The following SPATA17 variants were observed in gnomAD, a reference collection of about 807,000 sequenced individuals.
SPATA17 encodes the protein spermatogenesis associated 17.
SPATA17 carries 53 observed loss-of-function variants against 62.2 expected under a neutral mutation model. The observed-to-expected ratio is 0.85, with a 90% CI of 0.68 to 1.07. SPATA17 has a LOEUF of 1.07. Among genes scored for constraint, SPATA17 ranks in the 50% least tolerant of loss-of-function variants. The pLI, the probability that SPATA17 is intolerant of heterozygous loss-of-function variation, is 0.00. For missense variants in SPATA17, 466 were observed against 425.5 expected (o/e 1.10, Z -0.84); for synonymous variants, 146 against 146.8 (o/e 0.99, Z 0.04).
intron 9 of SPATA17, among the ~76,000 whole-genome samples, chr1:217,804,203 A>G (rs1674379313): frequency 6.6e-6 from 1 of 152,212 alleles, no homozygotes; most frequent in Non-Finnish European, 1.5e-5. Flanking sequence ...CATAAAAAAT[A>G]GACACATCAA....
At chr1:217,828,306 C>A (rs1298279797) in intron 9 of SPATA17, among the ~76,000 whole-genome samples, 1 of 151,634 alleles carries the variant, frequency 6.6e-6, no homozygotes, top group Non-Finnish European at 1.5e-5. Context: ...TTGACAAGGG[C>A]ACCAAGAGGA....
intron 1 of SPATA17, among the ~76,000 whole-genome samples, chr1:217,637,368 A>C (rs1473045019): frequency 3.9e-5 from 6 of 152,128 alleles, no homozygotes; most frequent in Non-Finnish European, 5.9e-5. Context: ...GGATCTTTAA[A>C]TTATTAAGTT....
intron 4 of SPATA17, among the ~76,000 whole-genome samples, chr1:217,682,024 T>C (rs1461607894): frequency 6.6e-6 from 1 of 152,118 alleles, no homozygotes; most frequent in African/African-American, 2.4e-5. Context: ...AGGGAATGAT[T>C]TATGATACGT....
At chr1:217,828,538 C>T (rs1464284137) in intron 9 of SPATA17, among the ~76,000 whole-genome samples, 1 of 46,358 alleles carries the variant, frequency 2.2e-5, no homozygotes, top group African/African-American at 6.2e-5. Context: ...GAATATCACA[C>T]CAAAAAAAAA....
intron 6 of SPATA17, among the ~76,000 whole-genome samples, chr1:217,758,282 G>C (rs1478324968): frequency 6.6e-6 from 1 of 152,106 alleles, no homozygotes; most frequent in Non-Finnish European, 1.5e-5. Flanking sequence ...AGTATTTGAT[G>C]GTCTAGAACA....
intron 5 of SPATA17, among the ~76,000 whole-genome samples, chr1:217,703,324 A>G (rs1247242882): frequency 1.3e-5 from 2 of 151,284 alleles, no homozygotes; most frequent in Admixed American, 6.6e-5. Context: ...GGCACCCACC[A>G]CCATGCCCGG....
chr1:217,740,774 T>C (rs12120516), intron 5 of SPATA17, among the ~76,000 whole-genome samples: 69,826 of 152,058 alleles, frequency 0.46, 17,542 homozygotes, highest in Non-Finnish European at 0.58. Flanking sequence ...CAGGCTATTT[T>C]CTGACTCCTT....
chr1:217,637,185 A>C (rs1191102812), intron 1 of SPATA17, among the ~76,000 whole-genome samples: 1 of 152,166 alleles, frequency 6.6e-6, no homozygotes, highest in African/African-American at 2.4e-5. Flanking sequence ...GCTTTCACAA[A>C]CATTATTTTA....
At chr1:217,773,055 C>T (rs568189751) in intron 6 of SPATA17, among the ~76,000 whole-genome samples, 3 of 152,028 alleles carry the variant, frequency 2.0e-5, no homozygotes, top group African/African-American at 4.8e-5. Context: ...TGGGATAGGA[C>T]GTTGCATTTG....
intron 5 of SPATA17, among the ~76,000 whole-genome samples, chr1:217,724,388 G>T (rs888326081): frequency 3.9e-5 from 6 of 152,092 alleles, no homozygotes; most frequent in Admixed American, 2.0e-4. Context: ...AGGAGTTGGA[G>T]ACCAGCTTGG....
chr1:217,766,435 C>T (rs746358907), intron 6 of SPATA17, among the ~76,000 whole-genome samples: 52 of 151,978 alleles, frequency 3.4e-4, no homozygotes, highest in South Asian at 1.7e-3. Flanking sequence ...TAACACTATA[C>T]CACTTCATAG....
intron 5 of SPATA17, among the ~76,000 whole-genome samples, chr1:217,730,287 G>A (rs1471454925): frequency 4.0e-5 from 6 of 150,352 alleles, no homozygotes; most frequent in Admixed American, 1.3e-4. Context: ...GCGTGATCTC[G>A]GCTCACTGCA....
chr1:217,697,232 C>T (rs989892253), intron 5 of SPATA17, among the ~76,000 whole-genome samples: 1 of 152,174 alleles, frequency 6.6e-6, no homozygotes, highest in South Asian at 2.1e-4. Flanking sequence ...CCGACTGCCT[C>T]GGCCTCCCAA....
At chr1:217,721,647 C>A (rs1429152293) in intron 5 of SPATA17, among the ~76,000 whole-genome samples, 1 of 152,128 alleles carries the variant, frequency 6.6e-6, no homozygotes, top group Non-Finnish European at 1.5e-5. Flanking sequence ...TGATTCAATC[C>A]TTGGCTCTTA....
intron 8 of SPATA17, among the ~76,000 whole-genome samples, chr1:217,795,303 A>G (rs567962567): frequency 6.6e-6 from 1 of 150,738 alleles, no homozygotes. Flanking sequence ...TGCTGACTAT[A>G]TGCCAGGCAC....
At chr1:217,749,887 A>G (rs78301926) in intron 6 of SPATA17, among the ~76,000 whole-genome samples, 18,687 of 144,822 alleles carry the variant, frequency 0.13, 1,319 homozygotes, top group Non-Finnish European at 0.16. Context: ...TTTGCTCCTC[A>G]ATATGAGCAT....
chr1:217,712,601 T>G (rs1671902839), intron 5 of SPATA17, among the ~76,000 whole-genome samples: 1 of 152,172 alleles, frequency 6.6e-6, no homozygotes, highest in Admixed American at 6.5e-5. Flanking sequence ...TCTGTTTTTG[T>G]GAGAGACTTC....
chr1:217,807,342 A>G (rs2102990291), intron 9 of SPATA17, among the ~76,000 whole-genome samples: 1 of 152,260 alleles, frequency 6.6e-6, no homozygotes, highest in South Asian at 2.1e-4. Flanking sequence ...TGGGATCAAT[A>G]AAAGTCCAAA....
intron 1 of SPATA17, among the ~76,000 whole-genome samples, chr1:217,643,520 T>C (rs1670112565): frequency 6.6e-6 from 1 of 152,052 alleles, no homozygotes; most frequent in South Asian, 2.1e-4. Flanking sequence ...CAGCCCCCAC[T>C]TGAGGATGCT....
Sources: gnomAD v4.1 joint callset for allele counts (sites outside exome capture counted in the v4.1 genomes callset) on GRCh38, gnomAD v4.1.1 for gene constraint, MANE v1.5 for transcripts, NCBI Gene and HGNC (gene_info 2026-07-23, HGNC 2026-07-21) for gene names.